STKLD1: variants seen among roughly 807,000 people sequenced by gnomAD.
The protein encoded by STKLD1 is serine/threonine kinase-like domain-containing protein STKLD1.
In STKLD1, 79 loss-of-function variants were observed where a neutral mutation model predicts 80.4. That is an observed-to-expected ratio of 0.98 (90% CI 0.82 to 1.19). The LOEUF is 1.19. Among genes scored for constraint, STKLD1 ranks in the 50% most tolerant of loss-of-function variants. STKLD1 has a pLI of 0.00. For missense variants in STKLD1, 841 were observed against 856.0 expected, an observed-to-expected ratio of 0.98 and a Z score of 0.22; for synonymous variants, 393 against 357.6, an observed-to-expected ratio of 1.10 and a Z score of -1.12.
intron 11 of STKLD1, 40 bp downstream of exon 11, chr9:133,398,095 A>C: frequency 6.3e-7 from 1 of 1,589,318 alleles, no homozygotes; most frequent in Non-Finnish European, 8.6e-7. Context: ...CTGCTCCCCT[A>C]GGGGCAGAAG....
chr9:133,389,470 C>T lies in STKLD1; in HGVS notation c.397-56C>T. 6.3e-7 allele frequency: 1 copy of T among 1,597,030 alleles called. No homozygotes were observed. Among genetic ancestry groups the T allele is most frequent in the Non-Finnish European group, 8.5e-7 (1 of 1,172,296 alleles). ...TGCTGGCTGCTCTGAGTGTCACCCC[C>T]CTGAAAGCAGCACAGGGTGCCCCTC... is the stretch of plus-strand genomic sequence containing the variant. On this transcript the variant is annotated intron_variant, in intron 5 of 17. Coordinates refer to ENST00000371957, the MANE Select transcript of STKLD1 (RefSeq NM_153710.5). The surrounding 1 kb of genome is among the most constrained non-coding windows in gnomAD (Gnocchi z 6.4).
At position 133,401,841 on chromosome 9, in the gene STKLD1, C is replaced by T. The variant is rs1554777726; in HGVS notation, c.1302C>T (p.Val434=). Residue 434 remains valine, a synonymous_variant, in exon 13 of 18, where the codon GTC becomes GTT. Coordinates refer to ENST00000371957, the MANE Select transcript of STKLD1 (RefSeq NM_153710.5). ...QSHPEEEPLL[V]MVYSLLAITT... is the part of the protein sequence containing the mutation. ...ACCCCGAGGAGGAGCCACTTCTTGT[C>T]ATGGTCTACAGCCTGCTAGCCATCA... The T allele has an allele frequency of 6.2e-7, 1 of 1,613,698 alleles. No individual in the cohort carries two copies. Among genetic ancestry groups the T allele is most frequent in the South Asian group, 1.1e-5 (1 of 91,080 alleles).
At chr9:133,379,372 A>C (rs1202379842) in intron 2 of STKLD1, among the ~76,000 whole-genome samples, 2 of 152,238 alleles carry the variant, frequency 1.3e-5, no homozygotes, top group Non-Finnish European at 2.9e-5. Context: ...CACGTGCTGT[A>C]TGCCAGGCAC....
Position 133,400,559 on chromosome 9 carries a change from G to A in STKLD1, c.1198+30G>A, listed in dbSNP as rs80128971. 983 of 1,559,582 alleles carry A rather than the reference G, an allele frequency of 6.3e-4. 1 individual carries two copies. The highest frequency in any genetic ancestry group is 7.9e-4 in the Non-Finnish European group (891 of 1,134,852). ...GTGCCAAACCAGGCCAGATGGGGTC[G>A]GGGAGGCTGTGCGCTGCTTCCTGCA... On this transcript the variant is annotated intron_variant, in intron 12 of 17. Coordinates refer to ENST00000371957, the MANE Select transcript of STKLD1 (RefSeq NM_153710.5).
Position 133,376,398 on chromosome 9 carries a change from G to T in STKLD1, c.-76G>T, listed in dbSNP as rs1837945348. On this transcript the variant is annotated 5_prime_UTR_variant, in exon 1 of 18. Coordinates refer to ENST00000371957, the MANE Select transcript of STKLD1 (RefSeq NM_153710.5). ...TCGAGGGCGCCGTTCGGGCGGGGAG[G>T]ATCCCGCGGGTCCCACTGACCCACG... The T allele has an allele frequency of 9.0e-6, 13 of 1,448,608 alleles. No homozygotes were observed. The highest frequency in any genetic ancestry group is 1.2e-5 in the Non-Finnish European group (13 of 1,096,516). 89.7% of individuals were successfully genotyped at this position (1,448,608 alleles called of 1,614,324 possible).
chr9:133,383,454 T>C (rs1006037578), intron 2 of STKLD1, among the ~76,000 whole-genome samples: 8 of 70,734 alleles, frequency 1.1e-4, no homozygotes, highest in Middle Eastern at 0.01. Context: ...GTGGTGGTGA[T>C]GGAGTGATGG....
chr9:133,400,207 G>A (rs1352269910), intron 11 of STKLD1, among the ~76,000 whole-genome samples: 1 of 152,202 alleles, frequency 6.6e-6, no homozygotes, highest in Non-Finnish European at 1.5e-5. Flanking sequence ...CCACTTCACA[G>A]GGCTGTGGGC....
At chr9:133,400,841 C>T (rs937891841) in intron 12 of STKLD1, among the ~76,000 whole-genome samples, 1 of 152,226 alleles carries the variant, frequency 6.6e-6, no homozygotes, top group Admixed American at 6.5e-5. Flanking sequence ...AGCTTGGAGA[C>T]GCGGATCCCA....
Position 133,397,347 on chromosome 9 carries a change from C to T in STKLD1, c.997+53C>T, listed in dbSNP as rs1300436595. ...GTGCCCTGAAGCTCCTGTCCATGGC[C>T]TTGGCATCCTATTGTTTAGTTCCAG... On this transcript the variant is annotated intron_variant, in intron 10 of 17. Coordinates refer to ENST00000371957, the MANE Select transcript of STKLD1 (RefSeq NM_153710.5). The T allele has an allele frequency of 4.4e-6, 7 of 1,604,498 alleles. No individual in the cohort carries two copies. The South Asian group carries it at 4.4e-5, about 10-fold the overall frequency.
At chr9:133,387,917 G>A in intron 5 of STKLD1, 1 of 463,680 alleles carries the variant, frequency 2.2e-6, no homozygotes, top group South Asian at 1.6e-5. Flanking sequence ...GAGCCCCGCG[G>A]TGCTGCTGCA....
chr9:133,400,958 G>C (rs3124750), intron 12 of STKLD1, among the ~76,000 whole-genome samples: 51,219 of 151,988 alleles, frequency 0.34, 9,317 homozygotes, highest in South Asian at 0.46. Flanking sequence ...CCTCTGGAGT[G>C]ACCCTCAGGG....
chr9:133,396,767 C>A (rs1191627369), intron 9 of STKLD1, among the ~76,000 whole-genome samples: 2 of 152,126 alleles, frequency 1.3e-5, no homozygotes, highest in African/African-American at 4.8e-5. Context: ...AAAAAAAAAC[C>A]CAAACAAAAC....
chr9:133,405,022 GGT>G, intron 17 of STKLD1, 93 bp downstream of exon 17: 1 of 1,529,820 alleles, frequency 6.5e-7, no homozygotes, highest in Non-Finnish European at 8.8e-7. Context: ...GCACATGGAA[GGT>G]GGGCTCAACC....
Position 133,395,723 on chromosome 9 carries a change from T to C in STKLD1, c.826T>C (p.Leu276=), listed in dbSNP as rs200841506. 1.9e-6 allele frequency: 3 copies of C among 1,613,526 alleles called. No individual in the cohort carries two copies. In the Admixed American group the frequency reaches 5.0e-5, roughly 27 times the overall value. The part of the protein sequence containing the change: ...DVETFRNLLP[L]MLQIDPSDRI... ...GGAAACCTTCAGGAATCTTCTGCCC[T>C]TGATGCTCCAGATCGACCCCTCGGA... The change falls in exon 9 of 18, where the codon TTG becomes CTG. Residue 276 remains leucine, a synonymous_variant. Coordinates refer to ENST00000371957, the MANE Select transcript of STKLD1 (RefSeq NM_153710.5).
chr9:133,399,739 C>T (rs587692051), intron 11 of STKLD1, among the ~76,000 whole-genome samples: 9 of 152,274 alleles, frequency 5.9e-5, no homozygotes, highest in East Asian at 3.9e-4. Context: ...ATTAGCCAGA[C>T]GTGGTGGCGC....
At position 133,405,355 on chromosome 9, in the gene STKLD1, C is replaced by G. The variant is rs1012024661; in HGVS notation, c.1977C>G (p.Ser659Arg). ...SSLVSDSSAF[S>R]KPGLPPGGSP... ...TGGTGAGTGACAGCAGCGCCTTCAG[C>G]AAACCAGGCCTCCCTCCAGGTGGAA... The change falls in exon 18 of 18, where the codon AGC becomes AGG. Residue 659 changes from serine (S) to arginine (R), a missense_variant. Coordinates refer to ENST00000371957, the MANE Select transcript of STKLD1 (RefSeq NM_153710.5). 6.2e-7 allele frequency: 1 copy of G among 1,612,684 alleles called. No homozygotes were observed. The highest frequency in any genetic ancestry group is 8.5e-7 in the Non-Finnish European group (1 of 1,179,942).
intron 9 of STKLD1, chr9:133,396,054 CT>C (rs1838555671): frequency 4.3e-6 from 1 of 233,034 alleles, no homozygotes; most frequent in African/African-American, 2.3e-5. Flanking sequence ...AGTTTTCATT[CT>C]ACATAAAAAA....
At chr9:133,378,970 G>A in intron 1 of STKLD1, 66 bp from the exon 2 acceptor site, 1 of 1,460,298 alleles carries the variant, frequency 6.8e-7, no homozygotes, top group Non-Finnish European at 9.5e-7. Context: ...AGGAGTTGGA[G>A]CTGGGCTTTT....
intron 9 of STKLD1, 46 bp downstream of exon 9, chr9:133,395,809 C>G (rs782317133): frequency 1.3e-6 from 2 of 1,587,334 alleles, no homozygotes; most frequent in Admixed American, 3.4e-5. Context: ...ATTTATCTTT[C>G]AACATCTCTC....
Sources: allele counts gnomAD v4.1 joint callset (sites outside exome capture counted in the v4.1 genomes callset), GRCh38; gene constraint gnomAD v4.1.1; non-coding constraint Gnocchi (gnomAD v3.1); transcripts MANE v1.5; gene names NCBI Gene and HGNC (gene_info 2026-07-23, HGNC 2026-07-21).